The following ARHGEF10L variants were observed in gnomAD, a reference collection of about 807,000 sequenced individuals.
ARHGEF10L encodes the protein Rho guanine nucleotide exchange factor 10 like.
Under a neutral mutation model 141.2 loss-of-function variants are expected in ARHGEF10L, and 69 were observed. That is an observed-to-expected ratio of 0.49 (90% CI 0.40 to 0.60). The LOEUF is 0.60. ARHGEF10L is among the 20% of genes least tolerant of loss of function. ARHGEF10L has a pLI of 0.00. For missense variants in ARHGEF10L, 1,482 were observed against 1,734.3 expected (o/e 0.85, Z 2.58); for synonymous variants, 711 against 718.5 (o/e 0.99, Z 0.17).
intron 26 of ARHGEF10L, among the ~76,000 whole-genome samples, chr1:17,684,373 G>C (rs1445537974): frequency 6.6e-6 from 1 of 152,200 alleles, no homozygotes; most frequent in Admixed American, 6.5e-5. Context: ...TATGGGCGGA[G>C]GGCTAGAGAG....
chr1:17,551,777 A>T (rs1181815684), intron 1 of ARHGEF10L, among the ~76,000 whole-genome samples: 1 of 152,154 alleles, frequency 6.6e-6, no homozygotes, highest in Non-Finnish European at 1.5e-5. Context: ...AGGTTAAGCA[A>T]CTTGCCTGAG....
intron 4 of ARHGEF10L, among the ~76,000 whole-genome samples, chr1:17,589,600 T>C (rs1324953336): frequency 2.6e-5 from 4 of 151,914 alleles, no homozygotes; most frequent in Non-Finnish European, 5.9e-5. Flanking sequence ...CTGTCCAGAG[T>C]GGGTGGACTT....
the ARHGEF10L span, among the ~76,000 whole-genome samples, chr1:17,524,970 AT>A: frequency 6.6e-6 from 1 of 152,022 alleles, no homozygotes; most frequent in Non-Finnish European, 1.5e-5. Context: ...GCCTGCTCCC[AT>A]TTTTTCCTTC....
chr1:17,605,292 C>T (rs2081066507), intron 6 of ARHGEF10L, among the ~76,000 whole-genome samples: 1 of 152,176 alleles, frequency 6.6e-6, no homozygotes, highest in Non-Finnish European at 1.5e-5. Context: ...ATCCCCAGCT[C>T]ACAGGCCTTT....
rs2060004020 is a variant in ARHGEF10L, at chr1:17,619,717, T to C, written c.942+272T>C. Among the ~76,000 whole-genome samples the C allele has an allele frequency of 2.6e-5, 4 of 152,176 alleles. No homozygotes were observed. The South Asian group carries it at 8.3e-4, about 31-fold the overall frequency. On this transcript the variant is annotated intron_variant, in intron 10 of 28. Coordinates refer to ENST00000361221, the MANE Select transcript of ARHGEF10L (RefSeq NM_018125.4). This position sits in a 1 kb window ranked among gnomAD's most constrained non-coding sequence, Gnocchi z 5.0. ...GCTTGCGTCCCCCAACTCCATGGCA[T>C]GCAGAGCAGTCCCGTTGGCTGTTTC...
rs978156671 is a variant in ARHGEF10L, at chr1:17,654,377, T to G, written c.2395-259T>G. On this transcript the variant is annotated intron_variant, in intron 22 of 28. Coordinates refer to ENST00000361221, the MANE Select transcript of ARHGEF10L (RefSeq NM_018125.4). The surrounding 1 kb of genome is among the most constrained non-coding windows in gnomAD (Gnocchi z 4.3). Reference sequence around the variant, plus strand: ...TCAAGAAATCTTATCTGAAAGCTGCTCACTTTCAGAGACCCTGGGCTGATA... The same window carrying G: ...TCAAGAAATCTTATCTGAAAGCTGCGCACTTTCAGAGACCCTGGGCTGATA... 4.6e-5 allele frequency among the ~76,000 whole-genome samples: 7 copies of G among 152,288 alleles called. No individual in the cohort carries two copies. The highest frequency in any genetic ancestry group is 7.4e-5 in the Non-Finnish European group (5 of 68,022).
chr1:17,588,904 G>T (rs79549067), intron 4 of ARHGEF10L, among the ~76,000 whole-genome samples: 152 of 124,686 alleles, frequency 1.2e-3, no homozygotes, highest in East Asian at 1.8e-3. Context: ...GTGTGTAGTG[G>T]GGGAGGTTGG....
At chr1:17,519,015 A>C in the ARHGEF10L span, among the ~76,000 whole-genome samples, 1 of 150,934 alleles carries the variant, frequency 6.6e-6, no homozygotes, top group South Asian at 2.1e-4. Context: ...GTCTCTACTA[A>C]AAATACAAAA....
intron 21 of ARHGEF10L, among the ~76,000 whole-genome samples, chr1:17,642,459 T>C (rs2061379231): frequency 1.3e-5 from 2 of 152,190 alleles, no homozygotes; most frequent in African/African-American, 2.4e-5. Flanking sequence ...GATGGGAAGC[T>C]GTGCATTATA....
rs955884149 is a variant in ARHGEF10L, at chr1:17,623,694, G to A, written c.1200+519G>A. 2.0e-5 allele frequency among the ~76,000 whole-genome samples: 3 copies of A among 152,164 alleles called. No homozygotes were observed. The South Asian group carries it at 6.2e-4, about 31-fold the overall frequency. On this transcript the variant is annotated intron_variant, in intron 12 of 28. Coordinates refer to ENST00000361221, the MANE Select transcript of ARHGEF10L (RefSeq NM_018125.4). The surrounding 1 kb of genome is among the most constrained non-coding windows in gnomAD (Gnocchi z 4.7). ...CAGGCTTGCCATCTGTGGAATGAGG[G>A]GTGCACTGGATTTCTGGCTTTTCTA...
the ARHGEF10L span, among the ~76,000 whole-genome samples, chr1:17,530,690 TCA>T: frequency 2.6e-5 from 4 of 152,160 alleles, no homozygotes; most frequent in African/African-American, 9.7e-5. Context: ...TTTCCGGACC[TCA>T]GTTTCTTGTA....
chr1:17,685,243 C>A (rs2064466303), intron 26 of ARHGEF10L, among the ~76,000 whole-genome samples: 1 of 152,204 alleles, frequency 6.6e-6, no homozygotes, highest in African/African-American at 2.4e-5. Flanking sequence ...CTGACTCTGT[C>A]ACTTACCAGC....
chr1:17,602,439 G>A (rs763505159), intron 5 of ARHGEF10L, among the ~76,000 whole-genome samples: 1 of 152,184 alleles, frequency 6.6e-6, no homozygotes, highest in Non-Finnish European at 1.5e-5. Flanking sequence ...TACTTACGAA[G>A]TTCCCACAAC....
intron 28 of ARHGEF10L, 134 bp from the exon 29 acceptor site, chr1:17,696,714 G>T (rs2065530303): frequency 2.2e-6 from 2 of 927,280 alleles, no homozygotes; most frequent in African/African-American, 3.3e-5. Context: ...GTGGCCTTCG[G>T]GGGAGGTGCC....
At chr1:17,545,127 C>T (rs551107848) in intron 1 of ARHGEF10L, among the ~76,000 whole-genome samples, 27 of 152,190 alleles carry the variant, frequency 1.8e-4, no homozygotes, top group South Asian at 1.2e-3. Context: ...GTGTAATGTA[C>T]GTAGTGGTGT....
At chr1:17,694,978 C>A in intron 27 of ARHGEF10L, 180 bp from the exon 28 acceptor site, 1 of 862,290 alleles carries the variant, frequency 1.2e-6, no homozygotes, top group Non-Finnish European at 1.9e-6. Flanking sequence ...TGCAGGACCT[C>A]GTGGCCAGAC....
intron 26 of ARHGEF10L, among the ~76,000 whole-genome samples, chr1:17,685,104 C>T (rs751623375): frequency 2.0e-5 from 3 of 152,182 alleles, no homozygotes; most frequent in African/African-American, 4.8e-5. Flanking sequence ...GGCCATCCTC[C>T]AGGGCAAAAG....
intron 1 of ARHGEF10L, among the ~76,000 whole-genome samples, chr1:17,572,693 C>G (rs2078054047): frequency 6.6e-6 from 1 of 152,156 alleles, no homozygotes; most frequent in African/African-American, 2.4e-5. Flanking sequence ...GGACAGGAAC[C>G]CGGAACTCTC....
chr1:17,562,626 T>C (rs1278195078), intron 1 of ARHGEF10L, among the ~76,000 whole-genome samples: 1 of 152,258 alleles, frequency 6.6e-6, no homozygotes, highest in Non-Finnish European at 1.5e-5. Flanking sequence ...TTTGATTTCA[T>C]ACTTGTTAGC....
Sources: allele counts gnomAD v4.1 joint callset (sites outside exome capture counted in the v4.1 genomes callset), GRCh38; gene constraint gnomAD v4.1.1; non-coding constraint Gnocchi (gnomAD v3.1); transcripts MANE v1.5; gene names NCBI Gene and HGNC (gene_info 2026-07-23, HGNC 2026-07-21).